The following GJC3 variants were observed in gnomAD, a reference collection of about 807,000 sequenced individuals.
GJC3 encodes gap junction protein gamma 3.
GJC3 carries 17 observed loss-of-function variants against 19.8 expected under a neutral mutation model. That is an observed-to-expected ratio of 0.86 (90% CI 0.59 to 1.29). GJC3 has a LOEUF of 1.29. Ranked by LOEUF, GJC3 falls within the 50% of genes most tolerant of loss-of-function variation. The probability of loss-of-function intolerance (pLI) is 0.00; values close to 1 mark genes in which losing one functional copy is unlikely to be tolerated. For synonymous variants in GJC3, 140 were observed against 136.5 expected, an observed-to-expected ratio of 1.03 and a Z score of -0.18; for missense variants, 317 against 332.5, an observed-to-expected ratio of 0.95 and a Z score of 0.36.
At chr7:99,925,158 T>A (rs1006337276) in intron 1 of GJC3, among the ~76,000 whole-genome samples, 2 of 152,130 alleles carry the variant, frequency 1.3e-5, no homozygotes, top group African/African-American at 4.8e-5. Flanking sequence ...AATTGGATTA[T>A]TTATAACAAA....
upstream of GJC3, chr7:99,929,723 GCTTTTTTATTCCT>G (rs374758984): frequency 9.2e-5 from 101 of 1,096,540 alleles, no homozygotes; most frequent in African/African-American, 1.3e-3. Flanking sequence ...CTGAAGGCAA[GCTTTTTTATTCCT>G]CTCCAAGTAT....
chr7:99,924,386 G>A (rs1327306778), intron 1 of GJC3, among the ~76,000 whole-genome samples: 4 of 152,090 alleles, frequency 2.6e-5, no homozygotes, highest in African/African-American at 4.8e-5. Flanking sequence ...TCAGGAGTTC[G>A]AGACCAGCTT....
intron 1 of GJC3, among the ~76,000 whole-genome samples, chr7:99,926,249 G>A (rs747920639): frequency 2.6e-5 from 4 of 151,526 alleles, no homozygotes; most frequent in Non-Finnish European, 2.9e-5. Flanking sequence ...CAGGAGAATC[G>A]CTTGAACCCA....
chr7:99,923,676 A>G (rs1470838910), intron 1 of GJC3, 73 bp from the exon 2 acceptor site: 1 of 752,680 alleles, frequency 1.3e-6, no homozygotes, highest in African/African-American at 1.7e-5. Flanking sequence ...CCCAAAACCC[A>G]AGGACCCTGG....
intron 1 of GJC3, among the ~76,000 whole-genome samples, chr7:99,926,906 G>A (rs1242184149): frequency 6.6e-6 from 1 of 152,190 alleles, no homozygotes; most frequent in Non-Finnish European, 1.5e-5. Context: ...ACAAAAGAAC[G>A]AAAGCAGGGA....
chr7:99,923,334 C>T lies in GJC3; in HGVS notation c.*211G>A, dbSNP rs577122852. ...GGACACTGGGAATAATTCCCCAAAG[C>T]AATGCCTCCCTGAGCAATGGTGCAA... On this transcript the variant is annotated 3_prime_UTR_variant, in exon 2 of 2. Transcript: ENST00000312891. The T allele has an allele frequency of 1.7e-6, 1 of 601,114 alleles. No homozygotes were observed. The highest frequency in any genetic ancestry group is 1.8e-5 in the African/African-American group (1 of 54,088). The allele number at this position is 601,114 out of a possible 1,614,324, so 37.2% of individuals were successfully genotyped here.
In GJC3 at chr7:99,929,270, C is replaced by T. The variant is rs535896564; in HGVS notation, c.351G>A (p.Gln117=). The change falls in exon 1 of 2, where the codon CAG becomes CAA. Residue 117 remains glutamine (Q), a synonymous_variant. Transcript: ENST00000312891. ...GGACATCTGTGTTGCCCTCCCGTCC[C>T]TGGATCAGGGTCTCCTCCTCCTTCC... ...GKGKEEETLI[Q]GREGNTDVPG... is the part of the protein sequence containing the mutation. The T allele has an allele frequency of 6.2e-6, 10 of 1,614,204 alleles. No homozygotes were observed. In the East Asian group the frequency reaches 6.7e-5, roughly 11 times the overall value.
chr7:99,927,728 A>G (rs1474859343), intron 1 of GJC3, among the ~76,000 whole-genome samples: 1 of 152,194 alleles, frequency 6.6e-6, no homozygotes, highest in Non-Finnish European at 1.5e-5. Context: ...TACCCGCCGA[A>G]TCACACTGTG....
chr7:99,930,115 T>C (rs1381213263), upstream of GJC3, among the ~76,000 whole-genome samples: 2 of 152,238 alleles, frequency 1.3e-5, no homozygotes, highest in African/African-American at 4.8e-5. Context: ...TCTCTTGCGG[T>C]CTTCTTTTCT....
At chr7:99,926,834 T>A (rs1319866900) in intron 1 of GJC3, among the ~76,000 whole-genome samples, 1 of 152,200 alleles carries the variant, frequency 6.6e-6, no homozygotes, top group Non-Finnish European at 1.5e-5. Flanking sequence ...TTGTCCAGGT[T>A]CTTGGCGTTT....
At chr7:99,925,077 G>T (rs1045856841) in intron 1 of GJC3, among the ~76,000 whole-genome samples, 1 of 152,048 alleles carries the variant, frequency 6.6e-6, no homozygotes, top group African/African-American at 2.4e-5. Flanking sequence ...GAATGAATAA[G>T]AATTAGTAGT....
At chr7:99,930,086 G>A (rs1819874589), upstream of GJC3, among the ~76,000 whole-genome samples, 1 of 152,240 alleles carries the variant, frequency 6.6e-6, no homozygotes. Flanking sequence ...TAGTGCTGAT[G>A]CTGAGAGGGA....
intron 1 of GJC3, among the ~76,000 whole-genome samples, chr7:99,928,583 A>G (rs1819843047): frequency 6.6e-6 from 1 of 152,240 alleles, no homozygotes; most frequent in African/African-American, 2.4e-5. Context: ...AGGAGGGACA[A>G]CGGACTAGCA....
intron 1 of GJC3, among the ~76,000 whole-genome samples, chr7:99,924,881 C>G (rs904418880): frequency 2.0e-5 from 3 of 152,174 alleles, no homozygotes; most frequent in Non-Finnish European, 4.4e-5. Context: ...CTACAAAATC[C>G]TCCAGTCTTA....
upstream of GJC3, chr7:99,929,635 G>A (rs1819868450): frequency 5.0e-6 from 8 of 1,591,530 alleles, no homozygotes; most frequent in Non-Finnish European, 6.8e-6. Context: ...TTTTGGAGCA[G>A]AGGACAAGAG....
chr7:99,929,839 G>A (rs1393596322), upstream of GJC3: 2 of 608,686 alleles, frequency 3.3e-6, no homozygotes. Context: ...TGTGTGGTGT[G>A]GCTCTCTCTT....
At chr7:99,927,875 A>G (rs755933755) in intron 1 of GJC3, among the ~76,000 whole-genome samples, 131 of 152,240 alleles carry the variant, frequency 8.6e-4, no homozygotes, top group Admixed American at 1.6e-3. Flanking sequence ...AGTTCTGGAG[A>G]CAATTGTAAC....
At chr7:99,926,346 A>T (rs1258423058) in intron 1 of GJC3, among the ~76,000 whole-genome samples, 1 of 152,134 alleles carries the variant, frequency 6.6e-6, no homozygotes, top group Admixed American at 6.5e-5. Flanking sequence ...AAAAAAAAAA[A>T]AAAGTGGTAC....
At chr7:99,928,254 G>A (rs1819839006) in intron 1 of GJC3, among the ~76,000 whole-genome samples, 1 of 152,242 alleles carries the variant, frequency 6.6e-6, no homozygotes, top group South Asian at 2.1e-4. Context: ...GGACAGGGGA[G>A]AGACACAGTT....
Sources: gnomAD v4.1 joint callset for allele counts (sites outside exome capture counted in the v4.1 genomes callset) on GRCh38, gnomAD v4.1.1 for gene constraint, MANE v1.5 for transcripts, NCBI Gene and HGNC (gene_info 2026-07-23, HGNC 2026-07-21) for gene names.